Variants in GRM7 observed in about 807,000 individuals in gnomAD.
GRM7 encodes the protein metabotropic glutamate receptor 7.
A neutral mutation model predicts 84.5 loss-of-function variants in GRM7; 35 were observed. The ratio of observed to expected loss-of-function variants is 0.41; its 90% CI spans 0.32 to 0.55. GRM7 has a LOEUF of 0.55. Ranked by LOEUF, GRM7 falls within the 20% of genes least tolerant of loss-of-function variation. The pLI is 0.19. For synonymous variants in GRM7, 487 were observed against 455.1 expected (o/e 1.07, Z -0.89); for missense variants, 1,003 against 1,194.6 (o/e 0.84, Z 2.36).
intron 8 of GRM7, among the ~76,000 whole-genome samples, chr3:7,613,276 C>T (rs1696929582): frequency 6.6e-6 from 1 of 152,112 alleles, no homozygotes; most frequent in South Asian, 2.1e-4. Flanking sequence ...AGAGATTTCC[C>T]TCCATAGCTG....
chr3:6,981,108 G>A (rs1694181478), intron 1 of GRM7, among the ~76,000 whole-genome samples: 1 of 152,124 alleles, frequency 6.6e-6, no homozygotes, highest in Non-Finnish European at 1.5e-5. Context: ...AAAGGCCATG[G>A]AATGAAGTTC....
chr3:7,002,819 C>T (rs557122937), intron 1 of GRM7, among the ~76,000 whole-genome samples: 1 of 152,148 alleles, frequency 6.6e-6, no homozygotes, highest in South Asian at 2.1e-4. Context: ...TGATAATAGC[C>T]AAGGTATAGA....
intron 8 of GRM7, among the ~76,000 whole-genome samples, chr3:7,652,025 TG>T (rs1187961351): frequency 1.3e-5 from 2 of 152,118 alleles, no homozygotes; most frequent in East Asian, 3.9e-4. Context: ...GACCAACATT[TG>T]GGGGGAAAAA....
intron 1 of GRM7, among the ~76,000 whole-genome samples, chr3:6,904,510 G>A (rs77884331): frequency 0.012 from 1,822 of 152,184 alleles, 39 homozygotes; most frequent in African/African-American, 0.041. Context: ...AAGTTGTATC[G>A]TTAGGTTAGG....
chr3:7,340,464 T>A (rs1049486728), intron 4 of GRM7, among the ~76,000 whole-genome samples: 1 of 152,042 alleles, frequency 6.6e-6, no homozygotes, highest in Non-Finnish European at 1.5e-5. Context: ...TCAGATCTTG[T>A]GAGAACACAC....
intron 4 of GRM7, among the ~76,000 whole-genome samples, chr3:7,411,482 AT>A (rs962026137): frequency 5.0e-4 from 76 of 151,992 alleles, no homozygotes; most frequent in African/African-American, 1.3e-3. Context: ...AAATAATCTA[AT>A]TTTTTTTAGA....
chr3:6,992,951 A>G (rs1174779480), intron 1 of GRM7, among the ~76,000 whole-genome samples: 1 of 152,228 alleles, frequency 6.6e-6, no homozygotes, highest in Admixed American at 6.5e-5. Flanking sequence ...GGATAAGCAA[A>G]TAGAGATTTC....
rs1695084798 is a variant in GRM7, at chr3:7,578,713, A to G, written c.1807A>G (p.Ile603Val). The G allele has an allele frequency of 1.2e-6, 2 of 1,613,966 alleles. No homozygotes were observed. The highest frequency in any genetic ancestry group is 1.7e-5 in the Admixed American group (1 of 59,998). ...TGTCTTCCTGGCAATGTTGGGGATC[A>G]TTGCCACCATCTTTGTCATGGCCAC... ...IPVFLAMLGI[I>V]ATIFVMATFI... Residue 603 changes from isoleucine to valine, a missense_variant, in exon 8 of 10, where the codon ATT becomes GTT. By Grantham distance (29) the Ile-to-Val change is conservative (BLOSUM62 3). This residue lies in a region of GRM7 where 910 missense variants were observed against 1,126.0 expected (regional missense o/e 0.81). Transcript: ENST00000357716.
intron 8 of GRM7, among the ~76,000 whole-genome samples, chr3:7,593,112 A>G (rs1695871839): frequency 6.6e-6 from 1 of 152,194 alleles, no homozygotes; most frequent in African/African-American, 2.4e-5. Context: ...TGACTCAACA[A>G]TAATACTTCT....
chr3:7,079,602 C>T (rs1574873158), intron 1 of GRM7, among the ~76,000 whole-genome samples: 2 of 151,946 alleles, frequency 1.3e-5, no homozygotes, highest in East Asian at 3.9e-4. Flanking sequence ...AGTAGGCAGA[C>T]AGTAGTTGAA....
At position 6,928,278 on chromosome 3, in the gene GRM7, T is replaced by C. The variant is rs1015713239; in HGVS notation, c.519+66371T>C. Among the ~76,000 whole-genome samples the C allele has an allele frequency of 9.9e-5, 15 of 152,220 alleles. 1 individual carries two copies. The South Asian group carries it at 3.1e-3, about 32-fold the overall frequency. On this transcript the variant is annotated intron_variant, in intron 1 of 9. Coordinates refer to ENST00000357716, the MANE Select transcript of GRM7 (RefSeq NM_000844.4). This position sits in a 1 kb window ranked among gnomAD's most constrained non-coding sequence, Gnocchi z 4.5. ...TTTCCCAGGTACTAAAAAATGCAGT[T>C]GTAATGACTTGTTAACTTGTAGATA... is the stretch of plus-strand genomic sequence containing the variant.
chr3:7,303,345 C>A (rs1182711180), intron 3 of GRM7, among the ~76,000 whole-genome samples: 2 of 152,134 alleles, frequency 1.3e-5, no homozygotes, highest in African/African-American at 4.8e-5. Flanking sequence ...CACCATGCTT[C>A]CTGGTTCTGT....
intron 1 of GRM7, among the ~76,000 whole-genome samples, chr3:6,878,835 T>A (rs456116): frequency 0.33 from 49,461 of 152,046 alleles, 8,432 homozygotes; most frequent in South Asian, 0.46. Context: ...TGAAAGTTTG[T>A]TAAAACACAC....
At chr3:7,003,562 C>G (rs1208839047) in intron 1 of GRM7, among the ~76,000 whole-genome samples, 1 of 152,046 alleles carries the variant, frequency 6.6e-6, no homozygotes, top group Non-Finnish European at 1.5e-5. Context: ...TGACTTTTGC[C>G]CACTGTAAGA....
intron 1 of GRM7, among the ~76,000 whole-genome samples, chr3:6,899,519 C>A (rs1161724229): frequency 6.6e-6 from 1 of 152,048 alleles, no homozygotes; most frequent in Admixed American, 6.6e-5. Flanking sequence ...AAAGGAGAGG[C>A]AGGAAAAGGT....
At chr3:7,355,426 C>T (rs1481131032) in intron 4 of GRM7, among the ~76,000 whole-genome samples, 3 of 152,012 alleles carry the variant, frequency 2.0e-5, no homozygotes, top group Non-Finnish European at 4.4e-5. Context: ...TTCACCAGAC[C>T]CCATGGTGCT....
chr3:7,329,543 C>T (rs1410925724), intron 4 of GRM7, among the ~76,000 whole-genome samples: 2 of 151,934 alleles, frequency 1.3e-5, no homozygotes, highest in Non-Finnish European at 2.9e-5. Flanking sequence ...TAGAGCAAAG[C>T]CAGGTGAATG....
At chr3:7,456,984 A>G (rs1031937202) in intron 6 of GRM7, among the ~76,000 whole-genome samples, 6 of 152,304 alleles carry the variant, frequency 3.9e-5, no homozygotes, top group Middle Eastern at 3.4e-3. Flanking sequence ...ATCCTAGAGA[A>G]AAGAAAATAT....
intron 7 of GRM7, among the ~76,000 whole-genome samples, chr3:7,575,516 C>T (rs1480151547): frequency 2.0e-5 from 3 of 152,146 alleles, no homozygotes; most frequent in Non-Finnish European, 2.9e-5. Flanking sequence ...TGGGCATTTT[C>T]AGCTGATTGT....
Sources: allele counts gnomAD v4.1 joint callset (sites outside exome capture counted in the v4.1 genomes callset), GRCh38; gene constraint gnomAD v4.1.1; regional missense constraint gnomAD v4.1.1; non-coding constraint Gnocchi (gnomAD v3.1); transcripts MANE v1.5; gene names NCBI Gene and HGNC (gene_info 2026-07-23, HGNC 2026-07-21).